The following RAB27B variants were observed in gnomAD, a reference collection of about 807,000 sequenced individuals.
RAB27B encodes the protein ras-related protein Rab-27B.
A neutral mutation model predicts 24.6 loss-of-function variants in RAB27B; 15 were observed. The observed-to-expected ratio is 0.61, with a 90% CI of 0.41 to 0.94. The LOEUF (loss-of-function observed/expected upper bound fraction) is 0.94. Ranked by LOEUF, RAB27B falls within the 40% of genes least tolerant of loss-of-function variation. The probability of loss-of-function intolerance (pLI) is 0.00; values close to 1 mark genes in which losing one functional copy is unlikely to be tolerated. For synonymous variants in RAB27B, 105 were observed against 92.5 expected, an observed-to-expected ratio of 1.14 and a Z score of -0.78; for missense variants, 261 against 266.8, an observed-to-expected ratio of 0.98 and a Z score of 0.15.
intron 2 of RAB27B, among the ~76,000 whole-genome samples, chr18:54,756,528 T>A (rs1908010910): frequency 6.6e-6 from 1 of 152,042 alleles, no homozygotes; most frequent in African/African-American, 2.4e-5. Flanking sequence ...ACCAATTCAA[T>A]GTGGAGAGTA....
At chr18:54,865,718 C>A (rs1207714023) in intron 1 of RAB27B, among the ~76,000 whole-genome samples, 2 of 152,198 alleles carry the variant, frequency 1.3e-5, no homozygotes, top group Non-Finnish European at 2.9e-5. Context: ...CAAAACTACA[C>A]CTTAGAGTTA....
chr18:54,728,645 C>T (rs1909619857), intron 2 of RAB27B, among the ~76,000 whole-genome samples: 1 of 151,924 alleles, frequency 6.6e-6, no homozygotes, highest in Non-Finnish European at 1.5e-5. Context: ...GAGGCAGAGG[C>T]AGACTGAGCA....
rs901880366 is a variant in RAB27B, at chr18:54,798,661, G to A, written c.-19-78906G>A. ...GAAAAACATAGACAGTAGTGGCAGC[G>A]TTTCAAAGCACTACTTAATATGAAG... On this transcript the variant is annotated intron_variant, in intron 2 of 4. Coordinates refer to the RAB27B transcript ENST00000586570. Among the ~76,000 whole-genome samples the A allele has an allele frequency of 4.6e-5, 7 of 152,286 alleles. No individual in the cohort carries two copies. In the South Asian group the frequency reaches 1.2e-3, roughly 27 times the overall value.
rs114080993 is a variant in RAB27B, at chr18:54,818,220, C to A, written c.-19-59347C>A. On this transcript the variant is annotated intron_variant, in intron 2 of 4. Coordinates refer to the RAB27B transcript ENST00000586570. Reference sequence around the variant, plus strand: ...GTATTTGTAATGGTATTGCAATGCCCTTCCTAAAGAGTTAGGGTGGGTCTT... The same window carrying A: ...GTATTTGTAATGGTATTGCAATGCCATTCCTAAAGAGTTAGGGTGGGTCTT... Among the ~76,000 whole-genome samples the A allele has an allele frequency of 5.5e-3, 831 of 152,312 alleles. 8 individuals are homozygous for A. The highest frequency in any genetic ancestry group is 0.019 in the African/African-American group (786 of 41,568).
chr18:54,825,492 G>A (rs1335364832), upstream of RAB27B, among the ~76,000 whole-genome samples: 1 of 151,802 alleles, frequency 6.6e-6, no homozygotes, highest in African/African-American at 2.4e-5. Flanking sequence ...TCCATTTTTT[G>A]AAAATTTTCT....
At chr18:54,835,190 C>T (rs1328085161) in intron 1 of RAB27B, among the ~76,000 whole-genome samples, 1 of 151,670 alleles carries the variant, frequency 6.6e-6, no homozygotes, top group Admixed American at 6.6e-5. Context: ...GAAAGAGAAA[C>T]TAGTCATGTC....
In RAB27B at chr18:54,782,364, T is replaced by C. The variant is rs150543611; in HGVS notation, c.-20+64223T>C. The stretch of plus-strand genomic sequence containing the variant: ...AAAATTTAATCGTAAAGCCAAATAG[T>C]ATGGTTGCAAATTGTAATGTAAAGA... On this transcript the variant is annotated intron_variant, in intron 2 of 4. Transcript: ENST00000586570. Among the ~76,000 whole-genome samples, 438 of 152,312 alleles carry C rather than the reference T, an allele frequency of 2.9e-3. 6 individuals carry two copies. The highest frequency in any genetic ancestry group is 0.028 in the South Asian group (136 of 4,832).
chr18:54,868,419 C>T (rs1296057716), intron 1 of RAB27B, among the ~76,000 whole-genome samples: 1 of 152,192 alleles, frequency 6.6e-6, no homozygotes. Context: ...GTAAAGCCTG[C>T]AGAACCGTGA....
intron 1 of RAB27B, among the ~76,000 whole-genome samples, chr18:54,836,952 A>G (rs1227097987): frequency 3.3e-5 from 5 of 152,182 alleles, no homozygotes; most frequent in Non-Finnish European, 7.4e-5. Flanking sequence ...GTTAAACCTG[A>G]CAATACCAAT....
chr18:54,873,685 CTGTGTGTGTGTGTGTGTGTG>C (rs56409312), intron 1 of RAB27B, among the ~76,000 whole-genome samples: 397 of 140,844 alleles, frequency 2.8e-3, no homozygotes, highest in Non-Finnish European at 3.5e-3. Flanking sequence ...GAGCCAAATC[CTGTGTGTGTGTGTGTGTGTG>C]TGTGTGTGTG....
chr18:54,807,189 G>A (rs1414188527), intron 2 of RAB27B, among the ~76,000 whole-genome samples: 3 of 152,194 alleles, frequency 2.0e-5, no homozygotes, highest in Admixed American at 2.0e-4. Flanking sequence ...ATGAGCCACC[G>A]CGCCCGGCCT....
At chr18:54,803,570 A>G (rs1909676828) in intron 2 of RAB27B, among the ~76,000 whole-genome samples, 1 of 152,180 alleles carries the variant, frequency 6.6e-6, no homozygotes. Context: ...TCAAGAATGG[A>G]AGCAGTTAGA....
chr18:54,833,581 A>G (rs1193335482), intron 1 of RAB27B, among the ~76,000 whole-genome samples: 2 of 152,204 alleles, frequency 1.3e-5, no homozygotes, highest in African/African-American at 2.4e-5. Context: ...TGGAAGGTCT[A>G]GACAACACCA....
chr18:54,806,222 G>C (rs1285945329), intron 2 of RAB27B, among the ~76,000 whole-genome samples: 1 of 151,976 alleles, frequency 6.6e-6, no homozygotes, highest in Admixed American at 6.6e-5. Flanking sequence ...AGTGTACTTA[G>C]CCTTTGGTCA....
At chr18:54,824,028 A>G (rs1168822530), upstream of RAB27B, among the ~76,000 whole-genome samples, 1 of 152,002 alleles carries the variant, frequency 6.6e-6, no homozygotes, top group African/African-American at 2.4e-5. Flanking sequence ...CTATTTCTTT[A>G]TTTAGCAACT....
intron 1 of RAB27B, among the ~76,000 whole-genome samples, chr18:54,871,521 T>C (rs958315235): frequency 1.3e-5 from 2 of 152,202 alleles, no homozygotes; most frequent in African/African-American, 4.8e-5. Context: ...TTTATTTTAC[T>C]GAAACTCTGT....
At position 54,726,783 on chromosome 18, in the gene RAB27B, G is replaced by A. The variant is rs1270133298; in HGVS notation, c.-20+8642G>A. On this transcript the variant is annotated intron_variant, in intron 2 of 4. Coordinates refer to the RAB27B transcript ENST00000586570. ...ATTTTACAGTAATTTCATTTATTCT[G>A]TAAGGGCAACTCTACCTTTTCAACC... Among the ~76,000 whole-genome samples, 8 of 151,510 alleles carry A rather than the reference G, an allele frequency of 5.3e-5. 1 individual carries two copies. In the East Asian group the frequency reaches 9.7e-4, roughly 18 times the overall value.
In RAB27B at chr18:54,828,717, G is replaced by A. The variant is rs1227730823; in HGVS notation, c.-20+17G>A. 1 of 152,470 alleles carries A rather than the reference G, an allele frequency of 6.6e-6. No homozygotes were observed. The highest frequency in any genetic ancestry group is 1.9e-4 in the East Asian group (1 of 5,194). 9.4% of individuals were successfully genotyped at this position (152,470 alleles called of 1,614,324 possible). A position where few individuals can be genotyped will look rare whatever the true frequency, so the allele number is the denominator to read the frequency against. On this transcript the variant is annotated intron_variant, in intron 1 of 5. Transcript: ENST00000262094. ...CGCAGGCTGGTGAGTTGGGAAGGCG[G>A]GCTGCTGCTGCTGGAACGCGTTCCC...
At chr18:54,782,910 G>A (rs7238795) in intron 2 of RAB27B, among the ~76,000 whole-genome samples, 9,870 of 151,958 alleles carry the variant, frequency 0.065, 432 homozygotes, top group African/African-American at 0.1. Flanking sequence ...CACAATGGTG[G>A]GGTCATTATG....
Sources: allele counts gnomAD v4.1 joint callset (sites outside exome capture counted in the v4.1 genomes callset), GRCh38; gene constraint gnomAD v4.1.1; transcripts MANE v1.5; gene names NCBI Gene and HGNC (gene_info 2026-07-23, HGNC 2026-07-21).